MLF2: variants seen among roughly 807,000 people sequenced by gnomAD.
The protein encoded by MLF2 is myelodysplasia-myeloid leukemia factor 2.
A neutral mutation model predicts 31.4 loss-of-function variants in MLF2; 12 were observed. That is an observed-to-expected ratio of 0.38 (90% CI 0.24 to 0.62). MLF2 has a LOEUF of 0.62. Among genes scored for constraint, MLF2 ranks in the 20% least tolerant of loss-of-function variants. The pLI is 0.58. For missense variants in MLF2, 272 were observed against 359.7 expected (o/e 0.76, Z 1.97); for synonymous variants, 109 against 118.8 (o/e 0.92, Z 0.54).
Position 6,749,793 on chromosome 12 carries a change from G to A in MLF2, c.559+55C>T. ...CCAGAAGTGTCTATGTGTTAGGGAT[G>A]TCCACGGGAACCGGGTTAGGGGCTG... On this transcript the variant is annotated intron_variant, in intron 7 of 8. Coordinates refer to ENST00000203630, the MANE Select transcript of MLF2 (RefSeq NM_001382226.1). This position sits in a 1 kb window ranked among gnomAD's most constrained non-coding sequence, Gnocchi z 5.3. The A allele has an allele frequency of 3.1e-6, 5 of 1,599,654 alleles. No individual in the cohort carries two copies. The highest frequency in any genetic ancestry group is 4.3e-6 in the Non-Finnish European group (5 of 1,169,812).
chr12:6,750,237 C>T lies in MLF2; in HGVS notation c.339G>A (p.Thr113=), dbSNP rs752240318. Residue 113 remains threonine, a synonymous_variant, in exon 6 of 9, where the codon ACG becomes ACA. Transcript: ENST00000203630. The surrounding 1 kb of genome is among the most constrained non-coding windows in gnomAD (Gnocchi z 5.3). ...GGTAGACCTTGGGGGCACCATCACC[C>T]GTATTGGAGTAGGAGATGACAGTGG... is the stretch of plus-strand genomic sequence containing the variant. The part of the protein sequence containing the change: ...SSSTVISYSN[T]GDGAPKVYQE... 1 of 1,614,040 alleles carries T rather than the reference C, an allele frequency of 6.2e-7. No homozygotes were observed. Among genetic ancestry groups the T allele is most frequent in the African/African-American group, 1.3e-5 (1 of 74,922 alleles).
At chr12:6,751,156 C>A in intron 4 of MLF2, 1 of 279,152 alleles carries the variant, frequency 3.6e-6, no homozygotes, top group Non-Finnish European at 6.9e-6. Flanking sequence ...ACAAATTTTG[C>A]TAGACAATTA....
rs537680035 is a variant in MLF2, at chr12:6,752,158, A to ACTTC, written c.51-108_51-105dup. The ACTTC allele has an allele frequency of 2.9e-4, 450 of 1,568,762 alleles. No individual in the cohort carries two copies. Among genetic ancestry groups the ACTTC allele is most frequent in the Non-Finnish European group, 3.6e-4 (415 of 1,150,342 alleles). ...CAGAGCAACAGTGGCACCGATGCCT[A>ACTTC]CTTCCTGCTAGGTAGGAGCTAGGTA... On this transcript the variant is annotated intron_variant, in intron 2 of 8. Coordinates refer to ENST00000203630, the MANE Select transcript of MLF2 (RefSeq NM_001382226.1). This position sits in a 1 kb window ranked among gnomAD's most constrained non-coding sequence, Gnocchi z 4.6.
At chr12:6,751,525 A>C (rs1941614595) in intron 4 of MLF2, 116 bp downstream of exon 4, 1 of 1,236,070 alleles carries the variant, frequency 8.1e-7, no homozygotes, top group Non-Finnish European at 1.2e-6. Context: ...AATGCCATAA[A>C]AAGAGAAGAT....
In MLF2 at chr12:6,752,144, T is replaced by A; in HGVS notation, c.51-90A>T. ...CAAAAAAATACGCACAGAGCAACAGTGGCACCGATGCCTACTTCCTGCTAG... is the reference window on the plus strand; with the variant it reads ...CAAAAAAATACGCACAGAGCAACAGAGGCACCGATGCCTACTTCCTGCTAG... On this transcript the variant is annotated intron_variant, in intron 2 of 8. Coordinates refer to ENST00000203630, the MANE Select transcript of MLF2 (RefSeq NM_001382226.1). The surrounding 1 kb of genome is among the most constrained non-coding windows in gnomAD (Gnocchi z 4.6). 1.3e-6 allele frequency: 2 copies of A among 1,585,608 alleles called. No individual in the cohort carries two copies. Among genetic ancestry groups the A allele is most frequent in the Non-Finnish European group, 1.7e-6 (2 of 1,160,492 alleles).
At position 6,750,849 on chromosome 12, in the gene MLF2, A is replaced by C; in HGVS notation, c.217-83T>G. On this transcript the variant is annotated intron_variant, in intron 4 of 8. Coordinates refer to ENST00000203630, the MANE Select transcript of MLF2 (RefSeq NM_001382226.1). The surrounding 1 kb of genome is among the most constrained non-coding windows in gnomAD (Gnocchi z 5.3). ...TCCTGTTTAGGAACCCACAACCCAC[A>C]TGGCTGCACATTTCCTTTCTCTTCT... The C allele has an allele frequency of 8.6e-7, 1 of 1,158,236 alleles. No individual in the cohort carries two copies. The highest frequency in any genetic ancestry group is 1.3e-6 in the Non-Finnish European group (1 of 773,452). 71.7% of individuals were successfully genotyped at this position (1,158,236 alleles called of 1,614,324 possible).
At chr12:6,751,497 C>A (rs1941614184) in intron 4 of MLF2, 144 bp downstream of exon 4, 3 of 972,948 alleles carry the variant, frequency 3.1e-6, no homozygotes, top group Non-Finnish European at 3.2e-6. Context: ...TAGTACCCAA[C>A]AGGCTCAGAG....
rs374903615 is a variant in MLF2, at chr12:6,749,015, T to C, written c.560-33A>G. 1 of 1,516,946 alleles carries C rather than the reference T, an allele frequency of 6.6e-7. No individual in the cohort carries two copies. Among genetic ancestry groups the C allele is most frequent in the Non-Finnish European group, 8.8e-7 (1 of 1,141,118 alleles). The allele number at this position is 1,516,946 out of a possible 1,614,324, so 94.0% of individuals were successfully genotyped here. On this transcript the variant is annotated intron_variant, in intron 7 of 8. Coordinates refer to ENST00000203630, the MANE Select transcript of MLF2 (RefSeq NM_001382226.1). The surrounding 1 kb of genome is among the most constrained non-coding windows in gnomAD (Gnocchi z 5.3). ...GGACAGAGCGGACATGAGGCCTGTG[T>C]GCGGCCTGGCTCCTGGAGGCCGATG... is the stretch of plus-strand genomic sequence containing the variant.
chr12:6,750,233 C>A lies in MLF2; in HGVS notation c.343G>T (p.Asp115Tyr). The change falls in exon 6 of 9, where the codon GAT becomes TAT. Residue 115 changes from aspartate (D) to tyrosine (Y), a missense_variant. Coordinates refer to ENST00000203630, the MANE Select transcript of MLF2 (RefSeq NM_001382226.1). This position sits in a 1 kb window ranked among gnomAD's most constrained non-coding sequence, Gnocchi z 5.3. ...TCTTGGTAGACCTTGGGGGCACCATCACCCGTATTGGAGTAGGAGATGACA... is the reference window on the plus strand; with the variant it reads ...TCTTGGTAGACCTTGGGGGCACCATAACCCGTATTGGAGTAGGAGATGACA... ...STVISYSNTG[D>Y]GAPKVYQETS... 6.2e-7 allele frequency: 1 copy of A among 1,614,192 alleles called. No homozygotes were observed. The highest frequency in any genetic ancestry group is 1.1e-5 in the South Asian group (1 of 91,084).
At position 6,749,055 on chromosome 12, in the gene MLF2, A is replaced by T. The variant is rs566089032; in HGVS notation, c.560-73T>A. 3.7e-4 allele frequency: 529 copies of T among 1,439,588 alleles called. No individual in the cohort carries two copies. The Middle Eastern group carries it at 4.5e-3, about 12-fold the overall frequency. 89.2% of individuals were successfully genotyped at this position (1,439,588 alleles called of 1,614,324 possible). ...GGAGGCCGATGTGCGAGCGAGCCACAGCTTTTCGGGCCAAAGCGGCGAAGG... is the reference window on the plus strand; with the variant it reads ...GGAGGCCGATGTGCGAGCGAGCCACTGCTTTTCGGGCCAAAGCGGCGAAGG... On this transcript the variant is annotated intron_variant, in intron 7 of 8. Coordinates refer to ENST00000203630, the MANE Select transcript of MLF2 (RefSeq NM_001382226.1). The surrounding 1 kb of genome is among the most constrained non-coding windows in gnomAD (Gnocchi z 5.3).
chr12:6,749,945 C>A lies in MLF2; in HGVS notation c.462G>T (p.Gly154=), dbSNP rs764460406. 3.1e-6 allele frequency: 5 copies of A among 1,614,166 alleles called. No homozygotes were observed. Among genetic ancestry groups the A allele is most frequent in the Non-Finnish European group, 3.4e-6 (4 of 1,180,038 alleles). The change falls in exon 7 of 9, where the codon GGG becomes GGT. Residue 154 remains glycine, a synonymous_variant. Coordinates refer to ENST00000203630, the MANE Select transcript of MLF2 (RefSeq NM_001382226.1). This position sits in a 1 kb window ranked among gnomAD's most constrained non-coding sequence, Gnocchi z 5.3. The stretch of plus-strand genomic sequence containing the variant: ...TGTGAGCCCTGTCCCGGATGTGATG[C>A]CCAATGGACATCTGCTCCAGTCCAC... ...SDSGLEQMSI[G]HHIRDRAHIL...
At chr12:6,751,550 T>G in intron 4 of MLF2, 91 bp downstream of exon 4, 1 of 1,417,184 alleles carries the variant, frequency 7.1e-7, no homozygotes, top group South Asian at 1.2e-5. Flanking sequence ...GGGTTACTCA[T>G]GAAACTATTC....
chr12:6,748,221 T>C lies in MLF2; in HGVS notation c.*352A>G, dbSNP rs1337050823. Reference sequence around the variant, plus strand: ...GCAAAGATCCAGGGTAGCTGAGGGATGGAGGGGGCCCCTAAACCCAGAGCT... The same window carrying C: ...GCAAAGATCCAGGGTAGCTGAGGGACGGAGGGGGCCCCTAAACCCAGAGCT... On this transcript the variant is annotated 3_prime_UTR_variant, in exon 9 of 9. Transcript: ENST00000203630. This position sits in a 1 kb window ranked among gnomAD's most constrained non-coding sequence, Gnocchi z 4.6. 2 of 152,214 alleles carry C rather than the reference T, an allele frequency of 1.3e-5. No homozygotes were observed. The highest frequency in any genetic ancestry group is 4.8e-5 in the African/African-American group (2 of 41,358). 9.4% of individuals were successfully genotyped at this position (152,214 alleles called of 1,614,324 possible). A position where few individuals can be genotyped will look rare whatever the true frequency, so the allele number is the denominator to read the frequency against.
rs771596174 is a variant in MLF2 at position 6,750,586 on chromosome 12, G to A, written c.270+127C>T. 92 of 1,174,772 alleles carry A rather than the reference G, an allele frequency of 7.8e-5. No homozygotes were observed. The highest frequency in any genetic ancestry group is 1.1e-4 in the Non-Finnish European group (89 of 810,636). 72.8% of individuals were successfully genotyped at this position (1,174,772 alleles called of 1,614,324 possible). ...AGGTACAGGGTCCCAAGGCTCTCTG[G>A]TTCAATTACTTTATCCAGTACTTTA... On this transcript the variant is annotated intron_variant, in intron 5 of 8. Coordinates refer to ENST00000203630, the MANE Select transcript of MLF2 (RefSeq NM_001382226.1). This position sits in a 1 kb window ranked among gnomAD's most constrained non-coding sequence, Gnocchi z 5.3.
chr12:6,751,778 G>T (rs765023890), intron 3 of MLF2, 102 bp from the exon 4 acceptor site: 1 of 1,565,064 alleles, frequency 6.4e-7, no homozygotes, highest in South Asian at 1.1e-5. Context: ...CTCTCAAAAG[G>T]GAGTCACAAA....
rs192421625 is a variant in MLF2, at chr12:6,753,099, T to A, written c.-189A>T. On this transcript the variant is annotated 5_prime_UTR_variant, in exon 1 of 9. Transcript: ENST00000203630. ...CAGCTGCCACCTCCGTACGGCCCCC[T>A]CGGCCAACGGAGCCCGAACCTCGGC... is the stretch of plus-strand genomic sequence containing the variant. 2.6e-6 allele frequency: 1 copy of A among 391,720 alleles called. No individual in the cohort carries two copies. The highest frequency in any genetic ancestry group is 2.1e-5 in the African/African-American group (1 of 48,430). 24.3% of individuals were successfully genotyped at this position (391,720 alleles called of 1,614,324 possible).
rs975830141 is a variant in MLF2 at position 6,752,899 on chromosome 12, C to T, written c.-29+40G>A. The T allele has an allele frequency of 5.5e-6, 1 of 181,202 alleles. No individual in the cohort carries two copies. The highest frequency in any genetic ancestry group is 1.1e-5 in the Non-Finnish European group (1 of 87,496). 11.2% of individuals were successfully genotyped at this position (181,202 alleles called of 1,614,324 possible). A position where few individuals can be genotyped will look rare whatever the true frequency, so the allele number is the denominator to read the frequency against. On this transcript the variant is annotated intron_variant, in intron 1 of 8. Transcript: ENST00000203630. This position sits in a 1 kb window ranked among gnomAD's most constrained non-coding sequence, Gnocchi z 4.6. ...TCCCAGACCCTGCAGCCCCGTGGGCCCGCTCCCGTCCGGGGCTGCCAGCTC... is the reference window on the plus strand; with the variant it reads ...TCCCAGACCCTGCAGCCCCGTGGGCTCGCTCCCGTCCGGGGCTGCCAGCTC...
chr12:6,751,797 T>C, intron 3 of MLF2, 121 bp from the exon 4 acceptor site: 1 of 1,565,624 alleles, frequency 6.4e-7, no homozygotes, highest in Admixed American at 1.7e-5. Flanking sequence ...AAGCCCTTTT[T>C]CCTGACCCTT....
Position 6,752,092 on chromosome 12 carries a change from C to T in MLF2, c.51-38G>A, listed in dbSNP as rs573840493. ...CACATAGTATGGATGGCAGAAGCGC[C>T]AAACTGTCAATCCCTCCACCACCCT... On this transcript the variant is annotated intron_variant, in intron 2 of 8. Coordinates refer to ENST00000203630, the MANE Select transcript of MLF2 (RefSeq NM_001382226.1). The surrounding 1 kb of genome is among the most constrained non-coding windows in gnomAD (Gnocchi z 4.6). The T allele has an allele frequency of 6.2e-7, 1 of 1,612,824 alleles. No individual in the cohort carries two copies. The highest frequency in any genetic ancestry group is 8.5e-7 in the Non-Finnish European group (1 of 1,179,006).
Sources: allele counts gnomAD v4.1 joint callset, GRCh38; gene constraint gnomAD v4.1.1; non-coding constraint Gnocchi (gnomAD v3.1); transcripts MANE v1.5; gene names NCBI Gene and HGNC (gene_info 2026-07-23, HGNC 2026-07-21).